Variants in SYT1 observed in about 807,000 individuals in gnomAD.
SYT1 encodes the protein synaptotagmin 1.
A neutral mutation model predicts 44.8 loss-of-function variants in SYT1; 8 were observed. The observed-to-expected ratio is 0.18, with a 90% confidence interval of 0.10 to 0.32. The LOEUF (loss-of-function observed/expected upper bound fraction) is 0.32. Ranked by LOEUF, SYT1 falls within the 10% of genes least tolerant of loss-of-function variation. SYT1 has a pLI of 1.00. For synonymous variants in SYT1, 154 were observed against 188.8 expected, an observed-to-expected ratio of 0.82 and a Z score of 1.51; for missense variants, 286 against 509.3, an observed-to-expected ratio of 0.56 and a Z score of 4.22.
intron 9 of SYT1, chr12:79,392,326 CAT>C (rs1166231361): frequency 6.6e-6 from 1 of 152,090 alleles, no homozygotes; most frequent in Non-Finnish European, 1.5e-5. Flanking sequence ...TGAAAAACTA[CAT>C]GTCATAGGAA....
At chr12:79,090,599 T>G (rs1877708524) in intron 3 of SYT1, among the ~76,000 whole-genome samples, 1 of 151,992 alleles carries the variant, frequency 6.6e-6, no homozygotes, top group Admixed American at 6.6e-5. Context: ...TTACCCCTTC[T>G]GAAGGTTAGA....
chr12:78,938,777 G>GTACA (rs1207001071), intron 1 of SYT1, among the ~76,000 whole-genome samples: 1 of 152,194 alleles, frequency 6.6e-6, no homozygotes, highest in African/African-American at 2.4e-5. Flanking sequence ...GTATAACTCT[G>GTACA]TACAGTAACA....
intron 1 of SYT1, among the ~76,000 whole-genome samples, chr12:78,904,441 T>C (rs2137107388): frequency 6.6e-6 from 1 of 152,282 alleles, no homozygotes; most frequent in South Asian, 2.1e-4. Context: ...ACTGGATCTT[T>C]GGAGAACATG....
chr12:79,405,049 T>G (rs1044665018), intron 9 of SYT1, among the ~76,000 whole-genome samples: 1 of 152,186 alleles, frequency 6.6e-6, no homozygotes. Flanking sequence ...GATTGGGAAG[T>G]TGATGTTTGT....
At chr12:79,184,559 A>G (rs747841478) in intron 3 of SYT1, among the ~76,000 whole-genome samples, 14 of 152,046 alleles carry the variant, frequency 9.2e-5, no homozygotes, top group Admixed American at 2.0e-4. Flanking sequence ...TAGCATGGGC[A>G]TTACAAAGAT....
chr12:79,024,501 T>G (rs1872399632), intron 2 of SYT1, among the ~76,000 whole-genome samples: 3 of 151,864 alleles, frequency 2.0e-5, no homozygotes, highest in South Asian at 4.1e-4. Context: ...ATTTATTCAT[T>G]TAATAATCAA....
chr12:79,082,798 C>A (rs2137958911), intron 3 of SYT1, among the ~76,000 whole-genome samples: 1 of 152,168 alleles, frequency 6.6e-6, no homozygotes. Context: ...CAAGGTGAGG[C>A]CCCAGTGCAT....
intron 3 of SYT1, among the ~76,000 whole-genome samples, chr12:79,187,026 G>A (rs1250239554): frequency 6.6e-6 from 1 of 151,942 alleles, no homozygotes; most frequent in Admixed American, 6.6e-5. Flanking sequence ...TTACTAATTA[G>A]ATATAAGAAA....
chr12:79,375,988 A>G (rs1883979291), intron 9 of SYT1, among the ~76,000 whole-genome samples: 1 of 152,230 alleles, frequency 6.6e-6, no homozygotes, highest in Non-Finnish European at 1.5e-5. Context: ...TAAAGTCATA[A>G]AGAAAAATGA....
At chr12:78,938,407 C>T (rs530992675) in intron 1 of SYT1, among the ~76,000 whole-genome samples, 40 of 152,254 alleles carry the variant, frequency 2.6e-4, no homozygotes, top group African/African-American at 7.9e-4. Flanking sequence ...ATAAGGAAAC[C>T]TTGTCATAAA....
chr12:79,214,687 A>C (rs1874670382), intron 3 of SYT1, among the ~76,000 whole-genome samples: 1 of 152,182 alleles, frequency 6.6e-6, no homozygotes, highest in Non-Finnish European at 1.5e-5. Context: ...ACAATATCCC[A>C]CCTCTACAAC....
chr12:79,234,389 G>C lies in SYT1; in HGVS notation c.166+16704G>C, dbSNP rs369929614. Among the ~76,000 whole-genome samples the C allele has an allele frequency of 4.6e-5, 7 of 152,260 alleles. 1 individual carries two copies. Among genetic ancestry groups the C allele is most frequent in the Admixed American group, 3.3e-4 (5 of 15,294 alleles). ...AATGTAATCACCACCCCCAAAAATTGCTTCTAGTTCCTTTCTAGCAATCGC... is the reference window on the plus strand; with the variant it reads ...AATGTAATCACCACCCCCAAAAATTCCTTCTAGTTCCTTTCTAGCAATCGC... On this transcript the variant is annotated intron_variant, in intron 4 of 10. Coordinates refer to ENST00000261205, the MANE Select transcript of SYT1 (RefSeq NM_005639.3).
chr12:79,390,354 G>C (rs376643720), intron 9 of SYT1, among the ~76,000 whole-genome samples: 1 of 152,162 alleles, frequency 6.6e-6, no homozygotes, highest in African/African-American at 2.4e-5. Context: ...AACGACGTTA[G>C]TAATATTGAT....
chr12:79,177,035 C>CTTTT (rs5799413), intron 3 of SYT1, among the ~76,000 whole-genome samples: 13 of 141,486 alleles, frequency 9.2e-5, no homozygotes, highest in South Asian at 7.5e-4. Context: ...AAGCATATTT[C>CTTTT]TTTTTTTTTT....
intron 1 of SYT1, among the ~76,000 whole-genome samples, chr12:78,909,587 T>G (rs1328691077): frequency 2.0e-5 from 3 of 151,922 alleles, no homozygotes; most frequent in African/African-American, 7.2e-5. Flanking sequence ...TTCTTATGGT[T>G]AAATTTTGGT....
chr12:79,329,195 G>A (rs984649141), intron 8 of SYT1, among the ~76,000 whole-genome samples: 16 of 152,114 alleles, frequency 1.1e-4, no homozygotes, highest in Admixed American at 2.6e-4. Flanking sequence ...TGAGGAGGCC[G>A]TAAGCAACCC....
intron 2 of SYT1, among the ~76,000 whole-genome samples, chr12:78,982,247 T>C (rs1869317522): frequency 6.6e-6 from 1 of 152,140 alleles, no homozygotes; most frequent in Non-Finnish European, 1.5e-5. Flanking sequence ...AGCAAGAAGT[T>C]AGAAAGGCAT....
At chr12:79,161,050 T>C (rs963292908) in intron 3 of SYT1, among the ~76,000 whole-genome samples, 1 of 151,968 alleles carries the variant, frequency 6.6e-6, no homozygotes, top group Non-Finnish European at 1.5e-5. Flanking sequence ...CTAGGCAATA[T>C]AGCAAAAACC....
At chr12:79,213,283 G>A (rs1874573450) in intron 3 of SYT1, among the ~76,000 whole-genome samples, 1 of 152,082 alleles carries the variant, frequency 6.6e-6, no homozygotes, top group Admixed American at 6.6e-5. Context: ...TTAACTATGG[G>A]TTGTATCCAA....
Sources: gnomAD v4.1 joint callset for allele counts (sites outside exome capture counted in the v4.1 genomes callset) on GRCh38, gnomAD v4.1.1 for gene constraint, MANE v1.5 for transcripts, NCBI Gene and HGNC (gene_info 2026-07-23, HGNC 2026-07-21) for gene names.